The following OXR1 variants were observed in gnomAD, a reference collection of about 807,000 sequenced individuals.
The protein encoded by OXR1 is oxidation resistance protein 1.
Under a neutral mutation model 104.6 loss-of-function variants are expected in OXR1, and 41 were observed. The observed-to-expected ratio is 0.39, with a 90% CI of 0.31 to 0.51. The LOEUF is 0.51. Among genes scored for constraint, OXR1 ranks in the 20% least tolerant of loss-of-function variants. The pLI is 0.77. For synonymous variants in OXR1, 348 were observed against 348.4 expected (o/e 1.00, Z 0.01); for missense variants, 955 against 1,031.9 (o/e 0.93, Z 1.02).
Position 106,436,522 on chromosome 8 carries a change from C to CAA in OXR1, c.23+76897_23+76898dup, listed in dbSNP as rs11423598. On this transcript the variant is annotated intron_variant, in intron 2 of 16. Coordinates refer to ENST00000517566, the MANE Select transcript of OXR1 (RefSeq NM_001198533.2). ...TAAAAATGAGTGTTTTGTGCCTATG[C>CAA]AAAAAAAAAAAATGAAGATGAGAAG... 7.2e-3 allele frequency among the ~76,000 whole-genome samples: 884 copies of CAA among 122,480 alleles called. 3 individuals are homozygous for CAA. The highest frequency in any genetic ancestry group is 0.01 in the South Asian group (43 of 4,128). The allele number at this position is 122,480 out of a possible 152,430, so 80.4% of individuals were successfully genotyped here. A position where few individuals can be genotyped will look rare whatever the true frequency, so the allele number is the denominator to read the frequency against.
At chr8:106,520,089 T>C (rs1486749605) in intron 3 of OXR1, among the ~76,000 whole-genome samples, 4 of 152,292 alleles carry the variant, frequency 2.6e-5, no homozygotes, top group Non-Finnish European at 2.9e-5. Flanking sequence ...GCTGTAATAG[T>C]AGAGACTGTG....
intron 14 of OXR1, among the ~76,000 whole-genome samples, chr8:106,741,958 T>C (rs777111373): frequency 1.4e-4 from 21 of 152,204 alleles, no homozygotes; most frequent in Non-Finnish European, 2.8e-4. Flanking sequence ...TTTTTAAGAT[T>C]GTCTGCTTAA....
chr8:106,389,740 G>A (rs1367765650), intron 2 of OXR1, among the ~76,000 whole-genome samples: 1 of 152,114 alleles, frequency 6.6e-6, no homozygotes, highest in Non-Finnish European at 1.5e-5. Context: ...GGGTATATAT[G>A]GATTAGTTTC....
At chr8:106,521,548 T>A (rs997218787) in intron 3 of OXR1, among the ~76,000 whole-genome samples, 1 of 152,182 alleles carries the variant, frequency 6.6e-6, no homozygotes, top group Non-Finnish European at 1.5e-5. Flanking sequence ...AGTCTTGCTC[T>A]GTTGCCCAGG....
At chr8:106,329,726 T>G (rs1159696737) in intron 1 of OXR1, among the ~76,000 whole-genome samples, 1 of 152,026 alleles carries the variant, frequency 6.6e-6, no homozygotes, top group Non-Finnish European at 1.5e-5. Context: ...CTCTGGCGAG[T>G]GGGAACAGCA....
intron 2 of OXR1, among the ~76,000 whole-genome samples, chr8:106,491,832 G>A (rs779867364): frequency 3.3e-5 from 5 of 152,134 alleles, no homozygotes; most frequent in Admixed American, 1.3e-4. Context: ...GGTGGTTTAC[G>A]TGAGTGTTTA....
In OXR1 at chr8:106,282,349, A is replaced by G. The variant is rs569690792; in HGVS notation, c.-139+11982A>G. Among the ~76,000 whole-genome samples the G allele has an allele frequency of 3.5e-4, 54 of 152,342 alleles. No individual in the cohort carries two copies. The South Asian group carries it at 9.7e-3, about 27-fold the overall frequency. ...CTGTTTGCAGATATTTTGAAAAACC[A>G]TTTATGCTCATCACAACTTTGAAAA... On this transcript the variant is annotated intron_variant, in intron 1 of 16. Coordinates refer to ENST00000517566, the MANE Select transcript of OXR1 (RefSeq NM_001198533.2).
chr8:106,725,793 G>A (rs1262064820), intron 11 of OXR1, among the ~76,000 whole-genome samples: 1 of 152,102 alleles, frequency 6.6e-6, no homozygotes, highest in Non-Finnish European at 1.5e-5. Context: ...TGTAAGTAAG[G>A]AACATAATTT....
chr8:106,429,817 G>T (rs558835455), intron 2 of OXR1, among the ~76,000 whole-genome samples: 16 of 151,586 alleles, frequency 1.1e-4, no homozygotes, highest in Non-Finnish European at 1.9e-4. Context: ...CTGATTTTGC[G>T]TTTCTCAGTT....
intron 3 of OXR1, among the ~76,000 whole-genome samples, chr8:106,606,118 G>A (rs1315301527): frequency 3.3e-5 from 5 of 152,144 alleles, no homozygotes; most frequent in African/African-American, 4.8e-5. Flanking sequence ...GGCTAAAGTC[G>A]AGGTGTCAGT....
At chr8:106,438,250 G>C (rs1355507991) in intron 2 of OXR1, among the ~76,000 whole-genome samples, 1 of 152,024 alleles carries the variant, frequency 6.6e-6, no homozygotes, top group Non-Finnish European at 1.5e-5. Context: ...TCTAAATAAA[G>C]AAAGAGATTG....
intron 2 of OXR1, among the ~76,000 whole-genome samples, chr8:106,373,372 T>G (rs1448567153): frequency 6.6e-6 from 1 of 152,180 alleles, no homozygotes; most frequent in African/African-American, 2.4e-5. Context: ...CAATAAATTT[T>G]TTTTACTGGT....
At chr8:106,666,058 T>A (rs1357813667) in intron 3 of OXR1, among the ~76,000 whole-genome samples, 1 of 152,222 alleles carries the variant, frequency 6.6e-6, no homozygotes, top group East Asian at 1.9e-4. Flanking sequence ...TTAATTTTTT[T>A]AAACCCATTA....
intron 2 of OXR1, among the ~76,000 whole-genome samples, chr8:106,372,022 A>G (rs1482140434): frequency 6.6e-6 from 1 of 152,208 alleles, no homozygotes; most frequent in Non-Finnish European, 1.5e-5. Flanking sequence ...AAGGACTTAG[A>G]CAGCAGGCAG....
At chr8:106,296,665 C>G (rs976388289) in intron 1 of OXR1, among the ~76,000 whole-genome samples, 1 of 152,086 alleles carries the variant, frequency 6.6e-6, no homozygotes, top group African/African-American at 2.4e-5. Context: ...AGTAGTAAGG[C>G]CAGTGTACAT....
intron 8 of OXR1, among the ~76,000 whole-genome samples, chr8:106,704,079 G>A (rs373155668): frequency 6.6e-6 from 1 of 152,162 alleles, no homozygotes; most frequent in East Asian, 1.9e-4. Flanking sequence ...TTGCTCAAAA[G>A]TCTCCACTGT....
intron 16 of OXR1, among the ~76,000 whole-genome samples, chr8:106,750,366 C>T (rs1470615170): frequency 4.2e-5 from 6 of 142,720 alleles, no homozygotes; most frequent in Admixed American, 2.2e-4. Context: ...ACTCTTGTCG[C>T]GCAGGCTGGA....
Position 106,676,040 on chromosome 8 carries a change from G to T in OXR1, c.221-3170G>T, listed in dbSNP as rs192964669. On this transcript the variant is annotated intron_variant, in intron 3 of 16. Transcript: ENST00000517566. ...ATTGAACCCTTTAGCATTATGTAAT[G>T]CCCTTCTTTGTCTTTTTTGATCTTT... Among the ~76,000 whole-genome samples, 26 of 152,166 alleles carry T rather than the reference G, an allele frequency of 1.7e-4. No homozygotes were observed. The East Asian group carries it at 4.8e-3, about 28-fold the overall frequency.
chr8:106,332,894 A>G (rs2130233179), intron 1 of OXR1, among the ~76,000 whole-genome samples: 1 of 152,254 alleles, frequency 6.6e-6, no homozygotes, highest in African/African-American at 2.4e-5. Context: ...GAAATCATAC[A>G]ATCTGTGCCC....
Sources: gnomAD v4.1 joint callset for allele counts (sites outside exome capture counted in the v4.1 genomes callset) on GRCh38, gnomAD v4.1.1 for gene constraint, MANE v1.5 for transcripts, NCBI Gene and HGNC (gene_info 2026-07-23, HGNC 2026-07-21) for gene names.